THRB: variants seen among roughly 807,000 people sequenced by gnomAD.
The protein encoded by THRB is thyroid hormone receptor beta.
In THRB, 12 loss-of-function variants were observed where a neutral mutation model predicts 47.8. The observed-to-expected ratio is 0.25, with a 90% CI of 0.16 to 0.41. THRB has a LOEUF of 0.41. THRB is among the 10% of genes least tolerant of loss of function. THRB has a pLI of 1.00. For synonymous variants in THRB, 218 were observed against 212.2 expected (o/e 1.03, Z -0.24); for missense variants, 348 against 589.2 (o/e 0.59, Z 4.24).
intron 1 of THRB, among the ~76,000 whole-genome samples, chr3:24,378,932 G>C (rs958425621): frequency 1.3e-5 from 2 of 151,812 alleles, no homozygotes; most frequent in Non-Finnish European, 1.5e-5. Context: ...TTAACAATTA[G>C]GTACATACTT....
chr3:24,277,264 G>A (rs1468285712), intron 3 of THRB, among the ~76,000 whole-genome samples: 1 of 152,106 alleles, frequency 6.6e-6, no homozygotes, highest in African/African-American at 2.4e-5. Flanking sequence ...CGGGTGCCAC[G>A]GGCATCTAGT....
chr3:24,455,109 T>A (rs1444287723), intron 1 of THRB: 11 of 42,578 alleles, frequency 2.6e-4, no homozygotes, highest in Admixed American at 2.3e-3. Flanking sequence ...GGACTTACTT[T>A]TTTTTTTTTT....
intron 10 of THRB, among the ~76,000 whole-genome samples, chr3:24,124,724 T>A (rs757393837): frequency 1.8e-4 from 28 of 152,186 alleles, no homozygotes; most frequent in Non-Finnish European, 3.5e-4. Flanking sequence ...TAGTGGCTCT[T>A]GGAAAAGTCT....
At chr3:24,334,787 CAGTGTG>C (rs1473047808) in intron 2 of THRB, among the ~76,000 whole-genome samples, 1 of 152,138 alleles carries the variant, frequency 6.6e-6, no homozygotes, top group Non-Finnish European at 1.5e-5. Flanking sequence ...GAGTTCAGAT[CAGTGTG>C]ACCCTGCAGA....
chr3:24,370,544 G>A (rs1304778907), intron 1 of THRB, among the ~76,000 whole-genome samples: 3 of 152,076 alleles, frequency 2.0e-5, no homozygotes, highest in Admixed American at 6.6e-5. Flanking sequence ...GCACTCCAAG[G>A]AGATAATCAT....
intron 1 of THRB, among the ~76,000 whole-genome samples, chr3:24,451,456 T>G (rs371048693): frequency 8.5e-5 from 13 of 152,202 alleles, no homozygotes; most frequent in African/African-American, 2.9e-4. Context: ...AAGCTGGTCT[T>G]ACATTCCTGA....
At position 24,161,664 on chromosome 3, in the gene THRB, C is replaced by T. The variant is rs1364947012; in HGVS notation, c.284-9174G>A. 3.6e-5 allele frequency among the ~76,000 whole-genome samples: 3 copies of T among 83,182 alleles called. No homozygotes were observed. In the East Asian group the frequency reaches 1.7e-3, roughly 47 times the overall value. The allele number at this position is 83,182 out of a possible 152,430, so 54.6% of individuals were successfully genotyped here. A position where few individuals can be genotyped will look rare whatever the true frequency, so the allele number is the denominator to read the frequency against. On this transcript the variant is annotated intron_variant, in intron 5 of 10. Transcript: ENST00000646209. ...CACACACACACACACAGACAGAATT[C>T]TATCTCCAAGTCAGAGGAACAATGA...
intron 1 of THRB, among the ~76,000 whole-genome samples, chr3:24,483,575 A>G (rs755200379): frequency 1.2e-4 from 19 of 152,260 alleles, no homozygotes; most frequent in Non-Finnish European, 2.4e-4. Flanking sequence ...CACTCTTTGC[A>G]TACTATGAAC....
intron 4 of THRB, among the ~76,000 whole-genome samples, chr3:24,219,728 A>T (rs532652276): frequency 6.6e-6 from 1 of 152,328 alleles, no homozygotes; most frequent in South Asian, 2.1e-4. Context: ...AACCCTCTAC[A>T]TCAGTGATTC....
chr3:24,404,396 T>C (rs1015665614), intron 1 of THRB, among the ~76,000 whole-genome samples: 1 of 151,912 alleles, frequency 6.6e-6, no homozygotes, highest in Non-Finnish European at 1.5e-5. Context: ...TTCACACTTA[T>C]CATAAAAGGC....
At chr3:24,286,744 T>C (rs895376951) in intron 3 of THRB, among the ~76,000 whole-genome samples, 6 of 152,238 alleles carry the variant, frequency 3.9e-5, no homozygotes, top group Non-Finnish European at 8.8e-5. Context: ...GTCAAAGTTT[T>C]CTCATTGCAA....
At chr3:24,404,939 T>C (rs1217909786) in intron 1 of THRB, among the ~76,000 whole-genome samples, 2 of 151,900 alleles carry the variant, frequency 1.3e-5, no homozygotes, top group Non-Finnish European at 2.9e-5. Context: ...AGGCTATGCA[T>C]TAGTCTATAA....
chr3:24,236,175 C>T (rs1408673525), intron 3 of THRB, among the ~76,000 whole-genome samples: 1 of 152,098 alleles, frequency 6.6e-6, no homozygotes, highest in Non-Finnish European at 1.5e-5. Flanking sequence ...TACATCAAAC[C>T]TTTGACTCTG....
chr3:24,386,248 G>A (rs1169558346), intron 1 of THRB, among the ~76,000 whole-genome samples: 1 of 151,960 alleles, frequency 6.6e-6, no homozygotes, highest in African/African-American at 2.4e-5. Flanking sequence ...CCGAGCCAAG[G>A]CAACAATCAA....
At chr3:24,340,404 C>G (rs1412033245) in intron 1 of THRB, among the ~76,000 whole-genome samples, 1 of 151,436 alleles carries the variant, frequency 6.6e-6, no homozygotes, top group Non-Finnish European at 1.5e-5. Flanking sequence ...CTTCTTTTCT[C>G]TCTCTCTCTC....
chr3:24,301,646 T>C (rs937356323), intron 2 of THRB, among the ~76,000 whole-genome samples: 2 of 152,230 alleles, frequency 1.3e-5, no homozygotes, highest in Admixed American at 6.5e-5. Context: ...ATAAAATTAT[T>C]CTCCCAAATT....
At chr3:24,385,440 C>T (rs1331645086) in intron 1 of THRB, among the ~76,000 whole-genome samples, 1 of 151,908 alleles carries the variant, frequency 6.6e-6, no homozygotes, top group Middle Eastern at 3.2e-3. Flanking sequence ...CACACACACG[C>T]ACGGCATTTG....
At chr3:24,150,388 C>CCGCA (rs1173715288) in intron 6 of THRB, among the ~76,000 whole-genome samples, 3 of 152,158 alleles carry the variant, frequency 2.0e-5, no homozygotes, top group Non-Finnish European at 4.4e-5. Flanking sequence ...ATTAAGTGAT[C>CCGCA]CGCACAAGTA....
intron 4 of THRB, among the ~76,000 whole-genome samples, chr3:24,208,381 G>A (rs1276762586): frequency 7.9e-5 from 12 of 152,104 alleles, no homozygotes; most frequent in African/African-American, 1.9e-4. Flanking sequence ...AAAAGAGCCC[G>A]CATTGCCAAG....
Sources: allele counts gnomAD v4.1 joint callset (sites outside exome capture counted in the v4.1 genomes callset), GRCh38; gene constraint gnomAD v4.1.1; transcripts MANE v1.5; gene names NCBI Gene and HGNC (gene_info 2026-07-23, HGNC 2026-07-21).